The following RBFOX1 variants were observed in gnomAD, a reference collection of about 807,000 sequenced individuals.
RBFOX1 encodes RNA binding fox-1 homolog 1, also known as RNA binding protein fox-1 homolog 1.
Under a neutral mutation model 57.7 loss-of-function variants are expected in RBFOX1, and 8 were observed. The observed-to-expected ratio is 0.14, with a 90% CI of 0.08 to 0.25. RBFOX1 has a LOEUF of 0.25. Ranked by LOEUF, RBFOX1 falls within the 10% of genes least tolerant of loss-of-function variation. RBFOX1 has a pLI of 1.00. For missense variants in RBFOX1, 611 were observed against 548.5 expected (o/e 1.11, Z -1.14); for synonymous variants, 326 against 222.4 (o/e 1.47, Z -4.15).
intron 2 of RBFOX1, among the ~76,000 whole-genome samples, chr16:6,463,744 A>C (rs1319813803): frequency 6.6e-6 from 1 of 152,198 alleles, no homozygotes; most frequent in Non-Finnish European, 1.5e-5. Flanking sequence ...GATGCTTACT[A>C]ACCGCCCCAA....
intron 3 of RBFOX1, among the ~76,000 whole-genome samples, chr16:5,678,354 T>G (rs932296910): frequency 1.3e-5 from 2 of 152,214 alleles, no homozygotes; most frequent in Non-Finnish European, 2.9e-5. Context: ...TGCAATTTGT[T>G]GAACAAACAA....
chr16:7,116,524 G>T (rs534064691), intron 4 of RBFOX1, among the ~76,000 whole-genome samples: 3 of 152,268 alleles, frequency 2.0e-5, no homozygotes, highest in African/African-American at 7.2e-5. Context: ...CTCTGGATTT[G>T]TCTCTGCTCC....
At chr16:7,540,714 A>T (rs2082693452) in intron 5 of RBFOX1, among the ~76,000 whole-genome samples, 1 of 152,178 alleles carries the variant, frequency 6.6e-6, no homozygotes. Context: ...AATGAGAAAT[A>T]AGGAGATCAA....
chr16:7,699,461 C>G (rs189814583), intron 14 of RBFOX1, among the ~76,000 whole-genome samples: 23 of 152,084 alleles, frequency 1.5e-4, no homozygotes, highest in Admixed American at 2.6e-4. Context: ...CAAAGTCCTG[C>G]GAGTACAGGC....
chr16:6,862,714 G>A (rs532850391), intron 3 of RBFOX1, among the ~76,000 whole-genome samples: 2 of 152,328 alleles, frequency 1.3e-5, no homozygotes, highest in East Asian at 3.9e-4. Context: ...AGAATTGTCT[G>A]TGGCTCACAC....
chr16:5,822,365 C>T (rs1186342453), intron 3 of RBFOX1, among the ~76,000 whole-genome samples: 1 of 152,136 alleles, frequency 6.6e-6, no homozygotes, highest in African/African-American at 2.4e-5. Flanking sequence ...GGCAGGTTCT[C>T]ACAAATCTCC....
intron 3 of RBFOX1, among the ~76,000 whole-genome samples, chr16:6,941,306 CCTTCCTTCCTTCCTTCCTTCCT>C: frequency 2.4e-5 from 1 of 41,666 alleles, no homozygotes; most frequent in African/African-American, 7.0e-5. Flanking sequence ...CTCCCTCCTT[CCTTCCTTCCTTCCTTCCTTCCT>C]TCCTTCCTTC....
intron 4 of RBFOX1, among the ~76,000 whole-genome samples, chr16:7,460,370 A>AAAAAAT (rs1251870828): frequency 1.3e-5 from 1 of 76,036 alleles, no homozygotes; most frequent in African/African-American, 6.8e-5. Flanking sequence ...CATTTAGCAA[A>AAAAAAT]ATATATATAT....
At chr16:6,016,844 T>C (rs76849629), upstream of RBFOX1, among the ~76,000 whole-genome samples, 298 of 152,296 alleles carry the variant, frequency 2.0e-3, 1 homozygote, top group African/African-American at 7.0e-3. Flanking sequence ...CGAAAGGTCA[T>C]TGTGAGAAAG....
At chr16:7,317,692 G>A (rs1044067849) in intron 4 of RBFOX1, among the ~76,000 whole-genome samples, 11 of 152,170 alleles carry the variant, frequency 7.2e-5, no homozygotes, top group African/African-American at 2.7e-4. Context: ...GAGTACAGGA[G>A]TGAAGTGCAT....
chr16:5,247,593 T>G (rs928532314), intron 1 of RBFOX1, among the ~76,000 whole-genome samples: 1 of 152,218 alleles, frequency 6.6e-6, no homozygotes, highest in Admixed American at 6.5e-5. Context: ...GCCCCCTGCC[T>G]GTTCATACAA....
intron 2 of RBFOX1, among the ~76,000 whole-genome samples, chr16:6,328,072 A>C (rs893875569): frequency 6.6e-6 from 1 of 152,234 alleles, no homozygotes; most frequent in African/African-American, 2.4e-5. Context: ...GGACAAACAA[A>C]CTGTGACACA....
At chr16:7,624,372 T>C (rs933789953) in intron 10 of RBFOX1, among the ~76,000 whole-genome samples, 1 of 152,250 alleles carries the variant, frequency 6.6e-6, no homozygotes, top group Admixed American at 6.5e-5. Flanking sequence ...ATACTTATCT[T>C]AGTGAGCAGT....
chr16:6,695,901 A>G (rs930706610), intron 3 of RBFOX1, among the ~76,000 whole-genome samples: 1 of 152,176 alleles, frequency 6.6e-6, no homozygotes, highest in Non-Finnish European at 1.5e-5. Context: ...ATGGGAGGAA[A>G]TTGCATATGG....
At chr16:6,238,109 A>G (rs943441348) in intron 1 of RBFOX1, among the ~76,000 whole-genome samples, 2 of 146,006 alleles carry the variant, frequency 1.4e-5, no homozygotes, top group East Asian at 2.0e-4. Context: ...AAAAAAAAAA[A>G]AAGAAAGAAA....
At chr16:6,340,422 T>C (rs2152825481) in intron 2 of RBFOX1, among the ~76,000 whole-genome samples, 1 of 152,294 alleles carries the variant, frequency 6.6e-6, no homozygotes, top group East Asian at 1.9e-4. Flanking sequence ...GAAAGTTTCT[T>C]AGGAAAGTGA....
At chr16:6,760,741 G>A (rs1223278375) in intron 3 of RBFOX1, among the ~76,000 whole-genome samples, 2 of 152,160 alleles carry the variant, frequency 1.3e-5, no homozygotes, top group Non-Finnish European at 2.9e-5. Flanking sequence ...TTAGGGCAAG[G>A]CACAGCCTTG....
At chr16:7,668,318 T>A (rs1258805701) in intron 13 of RBFOX1, among the ~76,000 whole-genome samples, 12 of 152,168 alleles carry the variant, frequency 7.9e-5, no homozygotes, top group Admixed American at 6.5e-4. Flanking sequence ...TTCTCTCAAA[T>A]GACCTCCTTC....
chr16:5,584,136 G>C (rs1384269190), intron 2 of RBFOX1, among the ~76,000 whole-genome samples: 1 of 152,188 alleles, frequency 6.6e-6, no homozygotes, highest in Non-Finnish European at 1.5e-5. Flanking sequence ...TGGGCAGATT[G>C]AATAAAAAGC....
Sources: allele counts gnomAD v4.1 joint callset (sites outside exome capture counted in the v4.1 genomes callset), GRCh38; gene constraint gnomAD v4.1.1; transcripts MANE v1.5; gene names NCBI Gene and HGNC (gene_info 2026-07-23, HGNC 2026-07-21).